The following NPL variants were observed in gnomAD, a reference collection of about 807,000 sequenced individuals.
NPL encodes N-acetylneuraminate pyruvate lyase.
In NPL, 32 loss-of-function variants were observed where a neutral mutation model predicts 41.1. The observed-to-expected ratio is 0.78, with a 90% CI of 0.59 to 1.05. NPL has a LOEUF of 1.05. Among genes scored for constraint, NPL ranks in the 50% least tolerant of loss-of-function variants. The probability of loss-of-function intolerance (pLI) is 0.00; values close to 1 mark genes in which losing one functional copy is unlikely to be tolerated. For synonymous variants in NPL, 128 were observed against 134.9 expected, an observed-to-expected ratio of 0.95 and a Z score of 0.35; for missense variants, 321 against 378.4, an observed-to-expected ratio of 0.85 and a Z score of 1.26.
chr1:182,792,054 G>T (rs1230093106), intron 1 of NPL, among the ~76,000 whole-genome samples, 178 bp from the exon 2 acceptor site: 1 of 152,210 alleles, frequency 6.6e-6, no homozygotes. Flanking sequence ...GGAAGATGAT[G>T]CTGGTAAGGG....
intron 3 of NPL, among the ~76,000 whole-genome samples, chr1:182,796,183 A>AC (rs1166400568): frequency 1.3e-5 from 2 of 151,824 alleles, no homozygotes; most frequent in Non-Finnish European, 2.9e-5. Context: ...AAAAAAAAAA[A>AC]AAAGAATGCA....
Position 182,829,947 on chromosome 1 carries a change from AT to A in NPL, c.*1041del. ...TATAAGCTTTCTGATATCAAAGTAT[AT>A]TGACAGTTAACCCTTACTGATTTTA... is the stretch of plus-strand genomic sequence containing the variant. On this transcript the variant is annotated 3_prime_UTR_variant, in exon 13 of 13. Coordinates refer to ENST00000367553, the MANE Select transcript of NPL (RefSeq NM_030769.3). The A allele has an allele frequency of 3.4e-6, 1 of 297,640 alleles. No homozygotes were observed. Among genetic ancestry groups the A allele is most frequent in the Non-Finnish European group, 6.3e-6 (1 of 159,752 alleles). The allele number at this position is 297,640 out of a possible 1,614,324, so 18.4% of individuals were successfully genotyped here. A position where few individuals can be genotyped will look rare whatever the true frequency, so the allele number is the denominator to read the frequency against.
At chr1:182,806,984 G>A (rs10911138) in intron 5 of NPL, among the ~76,000 whole-genome samples, 8,990 of 152,038 alleles carry the variant, frequency 0.059, 671 homozygotes, top group African/African-American at 0.18. Flanking sequence ...GACTACAGGC[G>A]CATGTCACCA....
At chr1:182,817,625 G>A (rs1200429278) in intron 8 of NPL, among the ~76,000 whole-genome samples, 1 of 152,184 alleles carries the variant, frequency 6.6e-6, no homozygotes, top group Non-Finnish European at 1.5e-5. Context: ...GTTGTGGCCT[G>A]TACTTCCCAC....
chr1:182,790,613 T>TTTTTTG (rs1553232092), intron 1 of NPL, among the ~76,000 whole-genome samples: 1 of 150,376 alleles, frequency 6.6e-6, no homozygotes, highest in African/African-American at 2.4e-5. Context: ...GTTAAAGTCT[T>TTTTTTG]TTGTTGTTGT....
At chr1:182,806,469 A>C (rs1465163770) in intron 5 of NPL, 1 of 1,536,204 alleles carries the variant, frequency 6.5e-7, no homozygotes, top group African/African-American at 1.4e-5. Flanking sequence ...TTCCGCTGGG[A>C]AACTGCTTCT....
At position 182,822,211 on chromosome 1, in the gene NPL, C is replaced by A; in HGVS notation, c.738+12C>A. ...CCCTGAACTATCAGGTAAACGTTTT[C>A]TTCTCTTCCCATAAATCACAGCCTT... On this transcript the variant is annotated intron_variant, in intron 11 of 12. Transcript: ENST00000367553. The A allele has an allele frequency of 6.4e-7, 1 of 1,559,150 alleles. No homozygotes were observed. Among genetic ancestry groups the A allele is most frequent in the Non-Finnish European group, 8.9e-7 (1 of 1,129,876 alleles).
Position 182,814,853 on chromosome 1 carries a change from C to T in NPL, c.359C>T (p.Thr120Ile). 1 of 1,613,538 alleles carries T rather than the reference C, an allele frequency of 6.2e-7. No individual in the cohort carries two copies. Among genetic ancestry groups the T allele is most frequent in the Non-Finnish European group, 8.5e-7 (1 of 1,179,522 alleles). ...GCACCGTTCTTCCTCAAGCCATGGA[C>T]CAAAGGTAAGTAGATAGGTCTGAAT... Reference protein sequence around the residue: ...VIAPFFLKPWTKDILINFLKE... With the variant: ...VIAPFFLKPWIKDILINFLKE... Residue 120 changes from threonine (T) to isoleucine (I), a missense_variant, in exon 7 of 13, where the codon ACC becomes ATC. By Grantham distance (89) the Thr-to-Ile change is moderately conservative. Coordinates refer to ENST00000367553, the MANE Select transcript of NPL (RefSeq NM_030769.3).
At chr1:182,817,105 T>C (rs1557950173) in intron 8 of NPL, among the ~76,000 whole-genome samples, 3 of 152,158 alleles carry the variant, frequency 2.0e-5, no homozygotes. Context: ...AAGACATGAG[T>C]CTGTAAGCCT....
chr1:182,815,975 G>T (rs1218209632), intron 7 of NPL, among the ~76,000 whole-genome samples: 1 of 152,146 alleles, frequency 6.6e-6, no homozygotes, highest in Non-Finnish European at 1.5e-5. Flanking sequence ...GAAAAATAAT[G>T]AATATATGCA....
At position 182,806,155 on chromosome 1, in the gene NPL, A is replaced by T; in HGVS notation, c.153A>T (p.Thr51=). 1 of 1,614,236 alleles carries T rather than the reference A, an allele frequency of 6.2e-7. No individual in the cohort carries two copies. Among genetic ancestry groups the T allele is most frequent in the Non-Finnish European group, 8.5e-7 (1 of 1,180,054 alleles). The part of the protein sequence containing the change: ...QGVKNIFVNG[T]TGEGLSLSVS... The stretch of plus-strand genomic sequence containing the variant: ...TCTTTGTTTGAACAGTGAATGGCAC[A>T]ACAGGAGAAGGCCTGTCCCTGAGCG... The change falls in exon 5 of 13, where the codon ACA becomes ACT. Residue 51 remains threonine, a synonymous_variant. Coordinates refer to ENST00000367553, the MANE Select transcript of NPL (RefSeq NM_030769.3).
At chr1:182,791,933 G>A (rs1029282825) in intron 1 of NPL, among the ~76,000 whole-genome samples, 2 of 152,164 alleles carry the variant, frequency 1.3e-5, no homozygotes, top group African/African-American at 4.8e-5. Context: ...TTATAAAGGC[G>A]AAAGGAGGAA....
At chr1:182,795,540 TCTC>T (rs1436780317) in intron 3 of NPL, among the ~76,000 whole-genome samples, 2 of 152,314 alleles carry the variant, frequency 1.3e-5, no homozygotes, top group South Asian at 4.1e-4. Context: ...CTTTTAGTAT[TCTC>T]CTTCAAAGTT....
chr1:182,808,250 G>GT (rs1245481295), intron 5 of NPL, among the ~76,000 whole-genome samples: 1 of 152,184 alleles, frequency 6.6e-6, no homozygotes, highest in Admixed American at 6.5e-5. Context: ...AGAATTCATT[G>GT]TAACTATTTA....
At position 182,812,234 on chromosome 1, in the gene NPL, G is replaced by A. The variant is rs1159221876; in HGVS notation, c.288+21G>A. On this transcript the variant is annotated intron_variant, in intron 6 of 12. Transcript: ENST00000367553. ...AACTGGTATGTATGCAGTTCCATCT[G>A]GGAGAGACCATTCAAGGGGCCTCCA... The A allele has an allele frequency of 3.1e-6, 5 of 1,608,646 alleles. No individual in the cohort carries two copies. The Admixed American group carries it at 5.0e-5, about 16-fold the overall frequency.
chr1:182,824,800 A>T (rs2102569201), intron 11 of NPL, among the ~76,000 whole-genome samples: 1 of 152,252 alleles, frequency 6.6e-6, no homozygotes, highest in Non-Finnish European at 1.5e-5. Flanking sequence ...CTGTCTCAAA[A>T]ACATAATAAT....
At chr1:182,790,599 C>T (rs1003406648) in intron 1 of NPL, among the ~76,000 whole-genome samples, 7 of 151,386 alleles carry the variant, frequency 4.6e-5, no homozygotes, top group African/African-American at 1.7e-4. Flanking sequence ...ACTGATCATT[C>T]TCTGTTAAAG....
chr1:182,825,713 C>A, intron 11 of NPL, 68 bp from the exon 12 acceptor site: 2 of 1,100,536 alleles, frequency 1.8e-6, no homozygotes, highest in Non-Finnish European at 1.4e-6. Flanking sequence ...TGTAATTTGA[C>A]TTCTACATTA....
intron 11 of NPL, among the ~76,000 whole-genome samples, chr1:182,822,401 A>G (rs576736683): frequency 1.4e-3 from 219 of 152,358 alleles, no homozygotes; most frequent in Non-Finnish European, 2.5e-3. Context: ...TAATCAGGAC[A>G]GGACCCATAC....
Sources: gnomAD v4.1 joint callset for allele counts (sites outside exome capture counted in the v4.1 genomes callset) on GRCh38, gnomAD v4.1.1 for gene constraint, MANE v1.5 for transcripts, NCBI Gene and HGNC (gene_info 2026-07-23, HGNC 2026-07-21) for gene names.